The following DOCK11 variants were observed in gnomAD, a reference collection of about 807,000 sequenced individuals.
DOCK11 encodes the protein dedicator of cytokinesis protein 11.
Under a neutral mutation model 169.1 loss-of-function variants are expected in DOCK11, and 70 were observed. The ratio of observed to expected loss-of-function variants is 0.41; its 90% CI spans 0.34 to 0.51. The LOEUF is 0.51. Among genes scored for constraint, DOCK11 ranks in the 20% least tolerant of loss-of-function variants. The probability of loss-of-function intolerance (pLI) is 0.10; values close to 1 mark genes in which losing one functional copy is unlikely to be tolerated. For synonymous variants in DOCK11, 529 were observed against 541.3 expected (o/e 0.98, Z 0.32); for missense variants, 1,166 against 1,538.8 (o/e 0.76, Z 4.05).
rs377529586 is a variant in DOCK11 at position 118,683,982 on chromosome X, T to G, written c.6102+765T>G. 4.5e-5 allele frequency among the ~76,000 whole-genome samples: 5 copies of G among 112,258 alleles called. No homozygotes were observed. The East Asian group carries it at 8.4e-4, about 19-fold the overall frequency. On this transcript the variant is annotated intron_variant, in intron 52 of 52. Transcript: ENST00000276202. ...GCCATCCTGTCATTATGAAACATAT[T>G]TGGGTGTGCCTTACTTTTGGCAAAT...
intron 14 of DOCK11, among the ~76,000 whole-genome samples, chrX:118,582,139 A>C (rs2013668876): frequency 9.0e-6 from 1 of 111,431 alleles, no homozygotes; most frequent in Admixed American, 9.6e-5. Context: ...GGGAAAAAAA[A>C]AGTTATCAAG....
chrX:118,619,408 G>A, intron 31 of DOCK11, among the ~76,000 whole-genome samples: 1 of 100,426 alleles, frequency 1.0e-5, no homozygotes, highest in South Asian at 4.9e-4. Context: ...GGGGAGGCAG[G>A]AGGTGGAGGC....
At chrX:118,535,231 G>A (rs1016042638) in intron 1 of DOCK11, among the ~76,000 whole-genome samples, 1 of 112,112 alleles carries the variant, frequency 8.9e-6, no homozygotes, top group Non-Finnish European at 1.9e-5. Flanking sequence ...GTGGATCATG[G>A]TTAAGAGCAC....
intron 1 of DOCK11, among the ~76,000 whole-genome samples, chrX:118,499,713 T>C (rs952547542): frequency 4.5e-5 from 5 of 112,164 alleles, no homozygotes; most frequent in Non-Finnish European, 9.4e-5. Context: ...CAGTTTCAAC[T>C]TGGGCTTCTT....
chrX:118,630,351 C>T (rs750885389), intron 34 of DOCK11, 28 bp from the exon 35 acceptor site: 2 of 985,822 alleles, frequency 2.0e-6, no homozygotes, highest in East Asian at 3.1e-5. Flanking sequence ...TGTACTGATA[C>T]TATTTCACGA....
At chrX:118,571,295 T>C (rs2013263246) in intron 10 of DOCK11, among the ~76,000 whole-genome samples, 2 of 111,475 alleles carry the variant, frequency 1.8e-5, no homozygotes, top group Non-Finnish European at 3.8e-5. Flanking sequence ...ATTTCACGAC[T>C]AAGTTCATAA....
chrX:118,592,057 A>C (rs2014016774), intron 19 of DOCK11, among the ~76,000 whole-genome samples: 1 of 106,690 alleles, frequency 9.4e-6, no homozygotes, highest in African/African-American at 3.4e-5. Context: ...GTTGGTTCCA[A>C]GTCTTTGCTA....
chrX:118,643,728 A>C (rs758648781), intron 40 of DOCK11, 134 bp downstream of exon 40: 2 of 723,455 alleles, frequency 2.8e-6, no homozygotes, highest in Admixed American at 6.6e-5. Flanking sequence ...TTGTAAATAG[A>C]AATACAGAAC....
intron 35 of DOCK11, among the ~76,000 whole-genome samples, chrX:118,630,954 A>G (rs2015223868): frequency 9.0e-6 from 1 of 111,528 alleles, no homozygotes; most frequent in South Asian, 3.7e-4. Context: ...ACACTGTATG[A>G]TATTGTCTGG....
intron 12 of DOCK11, among the ~76,000 whole-genome samples, chrX:118,578,282 G>C (rs982883794): frequency 8.9e-6 from 1 of 111,745 alleles, no homozygotes; most frequent in Admixed American, 9.6e-5. Context: ...AGGCAAAGCA[G>C]CAACGGTGAC....
intron 1 of DOCK11, among the ~76,000 whole-genome samples, chrX:118,542,178 T>TC (rs1490037268): frequency 9.2e-6 from 1 of 109,233 alleles, no homozygotes; most frequent in African/African-American, 3.3e-5. Context: ...TCCAGAACTT[T>TC]TTTTTTTTTT....
chrX:118,614,944 AC>A (rs1165366915), intron 29 of DOCK11, among the ~76,000 whole-genome samples, 169 bp downstream of exon 29: 2 of 111,168 alleles, frequency 1.8e-5, no homozygotes, highest in African/African-American at 6.6e-5. Context: ...GGTCCCCAGG[AC>A]CCCCCATGTG....
At chrX:118,679,990 G>A (rs997564933) in intron 48 of DOCK11, among the ~76,000 whole-genome samples, 4 of 94,010 alleles carry the variant, frequency 4.3e-5, no homozygotes, top group Admixed American at 2.5e-4. Flanking sequence ...TCAGTGGCGC[G>A]ATCTCGGCTC....
chrX:118,513,147 C>A (rs1209953424), intron 1 of DOCK11, among the ~76,000 whole-genome samples: 2 of 111,834 alleles, frequency 1.8e-5, no homozygotes, highest in Non-Finnish European at 3.8e-5. Context: ...GGGCACACTC[C>A]TTCTCTCCCC....
intron 46 of DOCK11, among the ~76,000 whole-genome samples, chrX:118,674,904 G>A (rs930229796): frequency 4.5e-5 from 5 of 111,782 alleles, no homozygotes; most frequent in Admixed American, 3.8e-4. Flanking sequence ...CATTGTCTTG[G>A]TTTGCATTTC....
At chrX:118,542,434 G>A (rs1038876789) in intron 1 of DOCK11, among the ~76,000 whole-genome samples, 1 of 110,544 alleles carries the variant, frequency 9.0e-6, no homozygotes, top group African/African-American at 3.3e-5. Context: ...GCCTCCCAAA[G>A]TACTGGGATT....
chrX:118,572,646 A>G (rs1206169626), intron 11 of DOCK11, among the ~76,000 whole-genome samples, 183 bp downstream of exon 11: 1 of 112,422 alleles, frequency 8.9e-6, no homozygotes, highest in East Asian at 2.8e-4. Flanking sequence ...ATTACAATAA[A>G]AAAATGAAGA....
chrX:118,534,852 C>T (rs2011696544), intron 1 of DOCK11, among the ~76,000 whole-genome samples: 1 of 111,858 alleles, frequency 8.9e-6, no homozygotes, highest in Non-Finnish European at 1.9e-5. Context: ...GGTCCCTTGA[C>T]AATAGCGTAC....
At chrX:118,610,448 G>T in intron 28 of DOCK11, 30 bp downstream of exon 28, 1 of 1,194,469 alleles carries the variant, frequency 8.4e-7, no homozygotes, top group East Asian at 3.0e-5. Context: ...AATGTGGTAA[G>T]GAACTCCTCT....
Sources: gnomAD v4.1 joint callset for allele counts (sites outside exome capture counted in the v4.1 genomes callset) on GRCh38, gnomAD v4.1.1 for gene constraint, MANE v1.5 for transcripts, NCBI Gene and HGNC (gene_info 2026-07-23, HGNC 2026-07-21) for gene names.